The following LRP1B variants were observed in gnomAD, a reference collection of about 807,000 sequenced individuals.
LRP1B encodes the protein low-density lipoprotein receptor-related protein 1B.
In LRP1B, 217 loss-of-function variants were observed where a neutral mutation model predicts 556.6. The observed-to-expected ratio is 0.39, with a 90% CI of 0.35 to 0.44. LRP1B has a LOEUF of 0.44. Among genes scored for constraint, LRP1B ranks in the 20% least tolerant of loss-of-function variants. The pLI is 1.00. For synonymous variants in LRP1B, 2,047 were observed against 1,865.8 expected, an observed-to-expected ratio of 1.10 and a Z score of -2.50; for missense variants, 5,053 against 5,620.8, an observed-to-expected ratio of 0.90 and a Z score of 3.23.
chr2:141,450,419 G>A (rs13426426), intron 3 of LRP1B, among the ~76,000 whole-genome samples: 2,299 of 152,088 alleles, frequency 0.015, 54 homozygotes, highest in African/African-American at 0.053. Context: ...TAATAGTTTG[G>A]TATATGGAGT....
rs1318916827 is a variant in LRP1B, at chr2:141,474,065, C to G, written c.343+6331G>C. Among the ~76,000 whole-genome samples, 6 of 149,600 alleles carry G rather than the reference C, an allele frequency of 4.0e-5. 1 individual carries two copies. Among genetic ancestry groups the G allele is most frequent in the African/African-American group, 1.5e-4 (6 of 40,220 alleles). ...CTTCCTTTCCTTCCTTCCTCCCTCC[C>G]TCCCTTCCTTTCCTCCCTCCCTTCC... On this transcript the variant is annotated intron_variant, in intron 3 of 90. Transcript: ENST00000389484.
chr2:140,969,649 G>A (rs1372513614), intron 18 of LRP1B, among the ~76,000 whole-genome samples: 2 of 152,106 alleles, frequency 1.3e-5, no homozygotes, highest in Admixed American at 6.6e-5. Context: ...CATGTTTTTT[G>A]CAGTGTCTGG....
At chr2:141,579,484 T>G (rs530911624) in intron 2 of LRP1B, among the ~76,000 whole-genome samples, 1 of 152,222 alleles carries the variant, frequency 6.6e-6, no homozygotes, top group East Asian at 1.9e-4. Flanking sequence ...AGATATTCCA[T>G]GGTACAGTCA....
At chr2:141,627,721 A>G (rs1461639398) in intron 2 of LRP1B, among the ~76,000 whole-genome samples, 1 of 152,210 alleles carries the variant, frequency 6.6e-6, no homozygotes, top group African/African-American at 2.4e-5. Context: ...CCTGGTGCCA[A>G]AAAGGTTAGG....
chr2:142,033,756 T>C (rs1000934768), intron 1 of LRP1B, among the ~76,000 whole-genome samples: 2 of 151,806 alleles, frequency 1.3e-5, no homozygotes, highest in African/African-American at 2.4e-5. Context: ...AATTGCAAAG[T>C]GGAGTTATAG....
chr2:142,036,949 T>C (rs1703902231), intron 1 of LRP1B, among the ~76,000 whole-genome samples: 1 of 151,662 alleles, frequency 6.6e-6, no homozygotes, highest in Admixed American at 6.6e-5. Flanking sequence ...TTTTAAAAAA[T>C]TATAAGGATG....
At chr2:140,561,688 T>A (rs1262484332) in intron 43 of LRP1B, among the ~76,000 whole-genome samples, 2 of 151,936 alleles carry the variant, frequency 1.3e-5, no homozygotes, top group African/African-American at 2.4e-5. Flanking sequence ...AAGAAAAAAA[T>A]AACATCTATA....
At chr2:141,390,201 A>C (rs1031231402) in intron 3 of LRP1B, among the ~76,000 whole-genome samples, 1 of 152,186 alleles carries the variant, frequency 6.6e-6, no homozygotes, top group African/African-American at 2.4e-5. Context: ...GATGCTCAAC[A>C]TCATTCATCA....
chr2:140,499,134 T>G (rs6725967), intron 55 of LRP1B, among the ~76,000 whole-genome samples: 68,368 of 151,458 alleles, frequency 0.45, 15,711 homozygotes, highest in Middle Eastern at 0.62. Flanking sequence ...AGTATTTATG[T>G]GTGAGGAATG....
Position 140,262,560 on chromosome 2 carries a change from A to C in LRP1B, c.13247+7682T>G, listed in dbSNP as rs1292166803. The stretch of plus-strand genomic sequence containing the variant: ...TGTTTCTTCTTGTGGAATCAACAGA[A>C]CTTCTTTACTGTCTGGCTCACCTTT... On this transcript the variant is annotated intron_variant, in intron 86 of 90. Transcript: ENST00000389484. Among the ~76,000 whole-genome samples, 8 of 152,294 alleles carry C rather than the reference A, an allele frequency of 5.3e-5. No homozygotes were observed. In the East Asian group the frequency reaches 1.5e-3, roughly 29 times the overall value.
chr2:141,158,937 T>G (rs1377957458), intron 7 of LRP1B, among the ~76,000 whole-genome samples: 2 of 152,192 alleles, frequency 1.3e-5, no homozygotes, highest in African/African-American at 4.8e-5. Context: ...CTGTTTATTT[T>G]AAATTACTTC....
intron 41 of LRP1B, among the ~76,000 whole-genome samples, chr2:140,606,451 A>G (rs1334085354): frequency 1.3e-5 from 2 of 152,032 alleles, no homozygotes; most frequent in African/African-American, 4.8e-5. Context: ...ATCCAAATAG[A>G]CCTACAGATT....
intron 6 of LRP1B, among the ~76,000 whole-genome samples, chr2:141,191,086 C>T (rs887738281): frequency 6.6e-6 from 1 of 151,942 alleles, no homozygotes; most frequent in Non-Finnish European, 1.5e-5. Flanking sequence ...GCCCCATTTA[C>T]TATTCTTAGC....
chr2:141,715,533 G>A (rs998466635), intron 2 of LRP1B, among the ~76,000 whole-genome samples: 1 of 151,990 alleles, frequency 6.6e-6, no homozygotes, highest in Non-Finnish European at 1.5e-5. Context: ...GAAAACAGCC[G>A]GCCAGTTGTG....
intron 17 of LRP1B, among the ~76,000 whole-genome samples, chr2:140,984,698 G>T (rs1696866472): frequency 6.6e-6 from 1 of 152,070 alleles, no homozygotes; most frequent in South Asian, 2.1e-4. Context: ...TCTGAAGCTG[G>T]AGGAACTGTT....
At chr2:140,532,527 G>T (rs1484843649) in intron 47 of LRP1B, among the ~76,000 whole-genome samples, 1 of 151,996 alleles carries the variant, frequency 6.6e-6, no homozygotes, top group African/African-American at 2.4e-5. Context: ...ATCCCGAGTA[G>T]CTGGGACTAC....
At chr2:140,286,637 G>A (rs755913479) in intron 84 of LRP1B, among the ~76,000 whole-genome samples, 1 of 151,818 alleles carries the variant, frequency 6.6e-6, no homozygotes, top group South Asian at 2.1e-4. Flanking sequence ...TTTCGTCAGT[G>A]TTCTGATCTA....
At chr2:140,984,304 T>A (rs2105346359) in intron 17 of LRP1B, among the ~76,000 whole-genome samples, 1 of 152,098 alleles carries the variant, frequency 6.6e-6, no homozygotes, top group East Asian at 1.9e-4. Flanking sequence ...TTTCCCTTAT[T>A]TTTTCTCTTT....
chr2:140,924,807 ACAAT>A lies in LRP1B; in HGVS notation c.3137-1664_3137-1661del, dbSNP rs545793952. ...GATAAAATACTTGGTTTGCACACAC[ACAAT>A]CAATCACACACAATTAATAAAGATG... On this transcript the variant is annotated intron_variant, in intron 20 of 90. Transcript: ENST00000389484. 1.2e-4 allele frequency among the ~76,000 whole-genome samples: 19 copies of A among 152,218 alleles called. 1 individual carries two copies. The highest frequency in any genetic ancestry group is 3.9e-4 in the Admixed American group (6 of 15,268).
Sources: gnomAD v4.1 joint callset for allele counts (sites outside exome capture counted in the v4.1 genomes callset) on GRCh38, gnomAD v4.1.1 for gene constraint, MANE v1.5 for transcripts, NCBI Gene and HGNC (gene_info 2026-07-23, HGNC 2026-07-21) for gene names.